Variants in ABCA8 observed in about 807,000 individuals in gnomAD.
ABCA8 encodes the protein ATP binding cassette subfamily A member 8.
ABCA8 carries 177 observed loss-of-function variants against 192.3 expected under a neutral mutation model. That is an observed-to-expected ratio of 0.92 (90% CI 0.81 to 1.04). The LOEUF is 1.04. Among genes scored for constraint, ABCA8 ranks in the 50% least tolerant of loss-of-function variants. ABCA8 has a pLI of 0.00. For synonymous variants in ABCA8, 642 were observed against 690.2 expected, an observed-to-expected ratio of 0.93 and a Z score of 1.09; for missense variants, 1,915 against 1,904.8, an observed-to-expected ratio of 1.01 and a Z score of -0.10.
rs1598285497 is a variant in ABCA8, at chr17:68,937,054, A to G, written c.363T>C (p.Pro121=). 6.2e-7 allele frequency: 1 copy of G among 1,610,790 alleles called. No homozygotes were observed. The highest frequency in any genetic ancestry group is 2.2e-5 in the East Asian group (1 of 44,570). Residue 121 remains proline (P), a synonymous_variant, in exon 5 of 40, where the codon CCT becomes CCC. Transcript: ENST00000586539. ...ESIKEFTANY[P]EEIVRVTFTN... is the part of the protein sequence containing the mutation. ...TAAAGGTGACTCTTACTATTTCTTC[A>G]GGATAATTTGCTGTGAATTCTTTAA...
At chr17:68,899,944 C>T (rs996173019) in intron 21 of ABCA8, among the ~76,000 whole-genome samples, 9 of 151,946 alleles carry the variant, frequency 5.9e-5, no homozygotes, top group African/African-American at 2.2e-4. Flanking sequence ...TGCTATGCAG[C>T]GAAAGCATAG....
At chr17:68,912,338 A>G (rs935987599) in intron 17 of ABCA8, among the ~76,000 whole-genome samples, 1 of 152,042 alleles carries the variant, frequency 6.6e-6, no homozygotes, top group Admixed American at 6.6e-5. Context: ...GAATGTATCA[A>G]AGTCTCTCAA....
In ABCA8 at chr17:68,946,714, G is replaced by A. The variant is rs569283434; in HGVS notation, c.-6+2598C>T. 7.2e-5 allele frequency among the ~76,000 whole-genome samples: 11 copies of A among 152,224 alleles called. No homozygotes were observed. The South Asian group carries it at 2.3e-3, about 32-fold the overall frequency. On this transcript the variant is annotated intron_variant, in intron 2 of 39. Transcript: ENST00000586539. Reference sequence around the variant, plus strand: ...AGCAGTTTGGGAGGCTGAGGCAGGCGGATAACCTGAGCTCAGGAGTTTGAT... The same window carrying A: ...AGCAGTTTGGGAGGCTGAGGCAGGCAGATAACCTGAGCTCAGGAGTTTGAT...
At chr17:68,883,916 T>A in intron 28 of ABCA8, 34 bp from the exon 29 acceptor site, 1 of 1,316,978 alleles carries the variant, frequency 7.6e-7, no homozygotes, top group South Asian at 1.3e-5. Context: ...ATTAGAAACA[T>A]AAAAAGATAA....
At chr17:68,909,568 T>C (rs1424644853) in intron 17 of ABCA8, among the ~76,000 whole-genome samples, 4 of 152,190 alleles carry the variant, frequency 2.6e-5, no homozygotes, top group Non-Finnish European at 5.9e-5. Flanking sequence ...CCAGGCAGTC[T>C]CTTATTTATT....
chr17:68,880,074 G>A (rs1598189550), intron 32 of ABCA8: 1 of 152,306 alleles, frequency 6.6e-6, no homozygotes, highest in African/African-American at 2.4e-5. Flanking sequence ...GGTGGAGTCT[G>A]TGACCCAGAG....
At chr17:68,921,317 T>A (rs1237376034) in intron 13 of ABCA8, 65 bp downstream of exon 13, 1 of 1,134,752 alleles carries the variant, frequency 8.8e-7, no homozygotes, top group Non-Finnish European at 1.3e-6. Context: ...AACCTGCACG[T>A]TGTGCACATG....
intron 37 of ABCA8, among the ~76,000 whole-genome samples, chr17:68,871,864 TTGATAA>T (rs1264273271): frequency 2.0e-5 from 3 of 152,288 alleles, no homozygotes; most frequent in African/African-American, 4.8e-5. Flanking sequence ...TACACAATAC[TTGATAA>T]TGATAAATGA....
At chr17:68,907,618 G>C in intron 18 of ABCA8, 122 bp downstream of exon 18, 1 of 853,034 alleles carries the variant, frequency 1.2e-6, no homozygotes, top group Non-Finnish European at 1.7e-6. Flanking sequence ...CTATTCTTTT[G>C]ATTATGTTTC....
At chr17:68,873,044 T>C (rs1413352943) in intron 37 of ABCA8, among the ~76,000 whole-genome samples, 2 of 152,228 alleles carry the variant, frequency 1.3e-5, no homozygotes, top group Admixed American at 1.3e-4. Context: ...ATAAAAGTCA[T>C]GTACAGTAAT....
intron 7 of ABCA8, 131 bp from the exon 8 acceptor site, chr17:68,929,833 G>T: frequency 2.4e-6 from 2 of 848,272 alleles, no homozygotes; most frequent in African/African-American, 1.7e-5. Flanking sequence ...TTATTTATTG[G>T]GTGTTCTAAG....
At chr17:68,926,861 A>G (rs750509063) in intron 10 of ABCA8, among the ~76,000 whole-genome samples, 7 of 152,154 alleles carry the variant, frequency 4.6e-5, no homozygotes, top group Admixed American at 6.5e-5. Context: ...AAAAGTGTGT[A>G]TTCATTGCTT....
At position 68,903,389 on chromosome 17, in the gene ABCA8, C is replaced by A; in HGVS notation, c.2509G>T (p.Gly837Cys). The change falls in exon 20 of 40, where the codon GGT (glycine) becomes TGT (cysteine). Residue 837 changes from glycine (G) to cysteine (C), a missense_variant. Coordinates refer to ENST00000586539, the MANE Select transcript of ABCA8 (RefSeq NM_001288985.2). ...ATTTGCTGTCGCCAGAGAGCCACAC[C>A]ACCTATTGTCTTTCTCATCTTGTTA... ...SLNKMRKTIG[G>C]VALWRQQICA... The A allele has an allele frequency of 6.2e-7, 1 of 1,614,160 alleles. No homozygotes were observed. The highest frequency in any genetic ancestry group is 8.5e-7 in the Non-Finnish European group (1 of 1,180,026).
intron 32 of ABCA8, chr17:68,879,738 A>G (rs186584837): frequency 1.3e-5 from 2 of 152,464 alleles, no homozygotes; most frequent in East Asian, 3.9e-4. Flanking sequence ...AGTTGTGGCC[A>G]AGCCCAGGTG....
Position 68,918,513 on chromosome 17 carries a change from T to C in ABCA8, c.1822A>G (p.Asn608Asp). 1.3e-6 allele frequency: 2 copies of C among 1,522,152 alleles called. No individual in the cohort carries two copies. The highest frequency in any genetic ancestry group is 2.5e-5 in the South Asian group (2 of 79,974). 94.3% of individuals were successfully genotyped at this position (1,522,152 alleles called of 1,614,324 possible). A position where few individuals can be genotyped will look rare whatever the true frequency, so the allele number is the denominator to read the frequency against. Residue 608 changes from asparagine to aspartate, a missense_variant, in exon 15 of 40, where the codon AAT (asparagine) becomes GAT (aspartate). By Grantham distance (23) the Asn-to-Asp change is conservative (BLOSUM62 1). Coordinates refer to ENST00000586539, the MANE Select transcript of ABCA8 (RefSeq NM_001288985.2). ...TTTTGAGCAAGAACATCCTGAATAT[T>C]TTTCATTTCCAATTCCAGCAGAACC... ...QRVLLELEMK[N>D]IQDVLAQNLS...
chr17:68,941,608 C>T (rs979454493), intron 3 of ABCA8, among the ~76,000 whole-genome samples: 2 of 152,086 alleles, frequency 1.3e-5, no homozygotes, highest in African/African-American at 4.8e-5. Context: ...GGTTTGTTTA[C>T]CATATCTTTG....
intron 2 of ABCA8, among the ~76,000 whole-genome samples, chr17:68,946,738 A>C (rs2068420206): frequency 6.6e-6 from 1 of 152,146 alleles, no homozygotes; most frequent in African/African-American, 2.4e-5. Flanking sequence ...CAGGAGTTTG[A>C]TACCAGCCTG....
At chr17:68,916,285 T>A (rs903412906) in intron 17 of ABCA8, among the ~76,000 whole-genome samples, 1 of 152,116 alleles carries the variant, frequency 6.6e-6, no homozygotes, top group African/African-American at 2.4e-5. Flanking sequence ...TTTTATTACA[T>A]GTACAATATA....
At chr17:68,943,042 T>A (rs960216055) in intron 2 of ABCA8, among the ~76,000 whole-genome samples, 7 of 152,160 alleles carry the variant, frequency 4.6e-5, no homozygotes, top group African/African-American at 1.7e-4. Flanking sequence ...TTTAATGGGA[T>A]CTTTGTTATT....
Sources: allele counts gnomAD v4.1 joint callset (sites outside exome capture counted in the v4.1 genomes callset), GRCh38; gene constraint gnomAD v4.1.1; transcripts MANE v1.5; gene names NCBI Gene and HGNC (gene_info 2026-07-23, HGNC 2026-07-21).